Variants in B3GLCT observed in about 807,000 individuals in gnomAD.
The protein encoded by B3GLCT is beta 3-glucosyltransferase, also known as beta-1,3-glucosyltransferase.
B3GLCT carries 65 observed loss-of-function variants against 63.4 expected under a neutral mutation model. That is an observed-to-expected ratio of 1.03 (90% CI 0.84 to 1.26). The LOEUF is 1.26. B3GLCT is among the 50% of genes most tolerant of loss of function. The pLI is 0.00. For missense variants in B3GLCT, 577 were observed against 604.8 expected (o/e 0.95, Z 0.48); for synonymous variants, 233 against 219.2 (o/e 1.06, Z -0.55).
chr13:31,244,478 GCGAAACT>G (rs1270935126), intron 4 of B3GLCT, among the ~76,000 whole-genome samples: 2 of 152,098 alleles, frequency 1.3e-5, no homozygotes, highest in Admixed American at 1.3e-4. Flanking sequence ...GGTGACAAGA[GCGAAACT>G]CTGTCTCCAA....
chr13:31,286,266 A>G (rs962850923), intron 11 of B3GLCT, among the ~76,000 whole-genome samples: 4 of 152,246 alleles, frequency 2.6e-5, no homozygotes, highest in Admixed American at 6.5e-5. Flanking sequence ...TATTTACAAA[A>G]TAAGTAAATG....
At chr13:31,280,671 A>G (rs1012071473) in intron 10 of B3GLCT, among the ~76,000 whole-genome samples, 4 of 152,262 alleles carry the variant, frequency 2.6e-5, no homozygotes, top group African/African-American at 9.6e-5. Context: ...AGAATTGATA[A>G]TAAAACCAAG....
intron 1 of B3GLCT, among the ~76,000 whole-genome samples, chr13:31,200,408 C>T (rs1175418259): frequency 6.7e-6 from 1 of 149,990 alleles, no homozygotes; most frequent in Admixed American, 6.6e-5. Flanking sequence ...CCGCTGCCGC[C>T]CCGGCCCCAG....
At chr13:31,229,839 A>G (rs180860303) in intron 4 of B3GLCT, among the ~76,000 whole-genome samples, 102 of 149,736 alleles carry the variant, frequency 6.8e-4, no homozygotes, top group East Asian at 5.4e-3. Context: ...GTATATATAT[A>G]TATAAAAATA....
intron 1 of B3GLCT, among the ~76,000 whole-genome samples, chr13:31,204,435 T>G (rs1028663780): frequency 6.6e-6 from 1 of 152,112 alleles, no homozygotes; most frequent in African/African-American, 2.4e-5. Flanking sequence ...CAAGGAAGGC[T>G]TCCTAGAGGA....
intron 4 of B3GLCT, among the ~76,000 whole-genome samples, chr13:31,237,921 C>A: frequency 6.6e-6 from 1 of 152,138 alleles, no homozygotes; most frequent in East Asian, 1.9e-4. Flanking sequence ...TTGGTTTCTT[C>A]ATCAATTTGC....
At chr13:31,235,756 G>A (rs1024081300) in intron 4 of B3GLCT, among the ~76,000 whole-genome samples, 4 of 152,172 alleles carry the variant, frequency 2.6e-5, no homozygotes, top group Non-Finnish European at 5.9e-5. Flanking sequence ...ATCATGTTGT[G>A]TAACAGATCT....
At chr13:31,312,521 C>G (rs577559239) in intron 12 of B3GLCT, 3 of 151,986 alleles carry the variant, frequency 2.0e-5, no homozygotes, top group Non-Finnish European at 4.4e-5. Flanking sequence ...TTTAGTACAA[C>G]AAGAATGTGG....
intron 12 of B3GLCT, among the ~76,000 whole-genome samples, chr13:31,314,992 C>T (rs933325035): frequency 2.6e-5 from 4 of 152,172 alleles, no homozygotes; most frequent in African/African-American, 9.7e-5. Context: ...TTGTCTTTTG[C>T]TGCCACCATG....
chr13:31,313,159 G>A (rs1243031800), intron 12 of B3GLCT, among the ~76,000 whole-genome samples: 4 of 152,184 alleles, frequency 2.6e-5, no homozygotes, highest in Admixed American at 2.6e-4. Flanking sequence ...CATGAGTGGG[G>A]ATGGGAAAGG....
intron 8 of B3GLCT, among the ~76,000 whole-genome samples, chr13:31,270,882 T>C (rs1009011440): frequency 1.3e-5 from 2 of 152,102 alleles, no homozygotes; most frequent in African/African-American, 4.8e-5. Flanking sequence ...CACAGACACA[T>C]TGAAGGGTGA....
chr13:31,290,887 G>A (rs964754011), intron 12 of B3GLCT, among the ~76,000 whole-genome samples: 3 of 152,108 alleles, frequency 2.0e-5, no homozygotes, highest in African/African-American at 7.2e-5. Context: ...TGTCAATTTT[G>A]GCTTTTGTTG....
intron 4 of B3GLCT, among the ~76,000 whole-genome samples, chr13:31,245,532 GT>G (rs1871158586): frequency 1.3e-5 from 2 of 151,636 alleles, no homozygotes; most frequent in South Asian, 2.1e-4. Flanking sequence ...ATCATGTCTG[GT>G]TTTTTTCTAT....
chr13:31,209,766 C>T (rs990267119), intron 1 of B3GLCT, among the ~76,000 whole-genome samples: 2 of 152,142 alleles, frequency 1.3e-5, no homozygotes, highest in Non-Finnish European at 2.9e-5. Flanking sequence ...AAAGTTTAGG[C>T]ATTATCTCAT....
chr13:31,200,320 GC>G (rs999246721), intron 1 of B3GLCT, among the ~76,000 whole-genome samples, 166 bp downstream of exon 1: 5 of 148,342 alleles, frequency 3.4e-5, no homozygotes, highest in Non-Finnish European at 7.5e-5. Context: ...CGTCAGCAGC[GC>G]CCTCTCGCGG....
intron 12 of B3GLCT, chr13:31,312,410 ATAAAG>A (rs1378301409): frequency 1.3e-5 from 2 of 152,260 alleles, no homozygotes; most frequent in African/African-American, 4.8e-5. Flanking sequence ...AATGAATAAG[ATAAAG>A]TAAGTAAATA....
intron 12 of B3GLCT, among the ~76,000 whole-genome samples, chr13:31,308,286 A>G (rs1874485659): frequency 1.9e-5 from 1 of 53,624 alleles, no homozygotes; most frequent in Non-Finnish European, 4.3e-5. Flanking sequence ...TACATATGTA[A>G]CTAACCTGCA....
Position 31,322,588 on chromosome 13 carries a change from T to A in B3GLCT, c.1185-1163T>A, listed in dbSNP as rs538134362. Among the ~76,000 whole-genome samples, 5 of 152,334 alleles carry A rather than the reference T, an allele frequency of 3.3e-5. No individual in the cohort carries two copies. The South Asian group carries it at 8.3e-4, about 25-fold the overall frequency. ...TCAGCATGCTAATAAACAAGTGTTA[T>A]TAACGGCTCATATTCACTTAGTTTA... On this transcript the variant is annotated intron_variant, in intron 13 of 14. Transcript: ENST00000343307.
intron 11 of B3GLCT, among the ~76,000 whole-genome samples, chr13:31,286,189 G>A (rs1003509814): frequency 1.1e-4 from 17 of 152,140 alleles, no homozygotes; most frequent in Non-Finnish European, 1.5e-4. Flanking sequence ...GTCTTACTCA[G>A]CACTATATCT....
Sources: allele counts gnomAD v4.1 joint callset (sites outside exome capture counted in the v4.1 genomes callset), GRCh38; gene constraint gnomAD v4.1.1; transcripts MANE v1.5; gene names NCBI Gene and HGNC (gene_info 2026-07-23, HGNC 2026-07-21).